The following XKR6 variants were observed in gnomAD, a reference collection of about 807,000 sequenced individuals.
The protein encoded by XKR6 is XK-related protein 6.
Under a neutral mutation model 56.7 loss-of-function variants are expected in XKR6, and 22 were observed. The ratio of observed to expected loss-of-function variants is 0.39; its 90% confidence interval spans 0.28 to 0.55. The LOEUF (loss-of-function observed/expected upper bound fraction) is 0.55, where lower values mean the gene tolerates loss of function less well. Ranked by LOEUF, XKR6 falls within the 20% of genes least tolerant of loss-of-function variation. The pLI, the probability that XKR6 is intolerant of heterozygous loss-of-function variation, is 0.66. For missense variants in XKR6, 852 were observed against 889.0 expected (o/e 0.96, Z 0.53); for synonymous variants, 524 against 387.8 (o/e 1.35, Z -4.13).
chr8:11,002,876 G>A (rs1171451891), intron 1 of XKR6, among the ~76,000 whole-genome samples: 1 of 152,142 alleles, frequency 6.6e-6, no homozygotes, highest in Non-Finnish European at 1.5e-5. Context: ...AAATAATCTG[G>A]GTATGGTTAC....
intron 1 of XKR6, among the ~76,000 whole-genome samples, chr8:10,946,790 G>A (rs1366760594): frequency 2.6e-5 from 4 of 152,124 alleles, no homozygotes. Context: ...CTCAGGAGCT[G>A]GCAACCAGGT....
At chr8:11,050,374 G>A (rs1367551352) in intron 1 of XKR6, among the ~76,000 whole-genome samples, 1 of 122,296 alleles carries the variant, frequency 8.2e-6, no homozygotes, top group Admixed American at 9.7e-5. Context: ...CTCCTCATCA[G>A]TGTAAAATAA....
At chr8:11,049,303 C>T (rs142966201) in intron 1 of XKR6, among the ~76,000 whole-genome samples, 1 of 152,244 alleles carries the variant, frequency 6.6e-6, no homozygotes, top group Non-Finnish European at 1.5e-5. Context: ...TAGCCAAAAC[C>T]TCTATCTGTT....
chr8:11,068,388 G>A (rs1206624218), intron 1 of XKR6, among the ~76,000 whole-genome samples: 1 of 152,178 alleles, frequency 6.6e-6, no homozygotes, highest in African/African-American at 2.4e-5. Flanking sequence ...CTCCATGAAG[G>A]ACTGTCCTGC....
chr8:11,177,476 G>A (rs1802718839), intron 1 of XKR6, among the ~76,000 whole-genome samples: 1 of 152,174 alleles, frequency 6.6e-6, no homozygotes, highest in African/African-American at 2.4e-5. Context: ...CAAAAAGATA[G>A]ATGGAAGTCC....
At chr8:11,178,015 G>C (rs1248611699) in intron 1 of XKR6, among the ~76,000 whole-genome samples, 1 of 152,150 alleles carries the variant, frequency 6.6e-6, no homozygotes, top group Non-Finnish European at 1.5e-5. Flanking sequence ...ATCGCACCTG[G>C]TTTACTAACA....
At chr8:11,162,336 A>G (rs1475670886) in intron 1 of XKR6, among the ~76,000 whole-genome samples, 1 of 152,158 alleles carries the variant, frequency 6.6e-6, no homozygotes, top group African/African-American at 2.4e-5. Context: ...CTGAAGAGCT[A>G]CACTCCAGCC....
At chr8:11,131,849 C>G (rs115643740) in intron 1 of XKR6, among the ~76,000 whole-genome samples, 1 of 152,172 alleles carries the variant, frequency 6.6e-6, no homozygotes. Flanking sequence ...AGCCTCAGAG[C>G]AACAGGCTAT....
intron 1 of XKR6, chr8:11,108,314 T>C (rs561094978): frequency 4.4e-6 from 2 of 456,280 alleles, no homozygotes; most frequent in East Asian, 6.9e-5. Flanking sequence ...ATTTAAGTGT[T>C]ATGAAACAAC....
intron 1 of XKR6, among the ~76,000 whole-genome samples, chr8:10,957,878 T>G (rs772174281): frequency 5.9e-5 from 9 of 151,892 alleles, no homozygotes; most frequent in Non-Finnish European, 1.0e-4. Flanking sequence ...ATATCGAATC[T>G]AAAAATGATC....
At chr8:11,197,113 C>G (rs1451467558) in intron 1 of XKR6, among the ~76,000 whole-genome samples, 1 of 152,130 alleles carries the variant, frequency 6.6e-6, no homozygotes, top group Non-Finnish European at 1.5e-5. Context: ...TGAAGGCAAC[C>G]CTCTACCACA....
At chr8:10,943,428 C>T (rs976730972) in intron 1 of XKR6, among the ~76,000 whole-genome samples, 1 of 152,170 alleles carries the variant, frequency 6.6e-6, no homozygotes, top group African/African-American at 2.4e-5. Context: ...GTTCCCCACA[C>T]CTGCTCCTGC....
rs1195052868 is a variant in XKR6 at position 10,898,511 on chromosome 8, A to G, written c.1367T>C (p.Leu456Ser). Residue 456 changes from leucine (L) to serine (S), a missense_variant, in exon 3 of 3, where the codon TTG becomes TCG. By Grantham distance (145) the Leu-to-Ser change is moderately radical (BLOSUM62 -2). Transcript: ENST00000416569. The surrounding 1 kb of genome is among the most constrained non-coding windows in gnomAD (Gnocchi z 6.6). ...YTIVLTENAA[L>S]TFLWYFYRDP... ...TCTGTAAAAATACCAAAGGAACGTCAAGGCAGCATTCTCGGTCAAGACTAT... is the reference window on the plus strand; with the variant it reads ...TCTGTAAAAATACCAAAGGAACGTCGAGGCAGCATTCTCGGTCAAGACTAT... 1 of 1,614,094 alleles carries G rather than the reference A, an allele frequency of 6.2e-7. No homozygotes were observed. Among genetic ancestry groups the G allele is most frequent in the Non-Finnish European group, 8.5e-7 (1 of 1,180,028 alleles).
chr8:10,904,899 C>G (rs1800142676), intron 2 of XKR6, among the ~76,000 whole-genome samples: 1 of 152,196 alleles, frequency 6.6e-6, no homozygotes, highest in Non-Finnish European at 1.5e-5. Context: ...CTGCCTCACC[C>G]TCTCTCTGAC....
intron 2 of XKR6, among the ~76,000 whole-genome samples, chr8:10,904,531 AG>A (rs1563279563): frequency 3.2e-4 from 49 of 152,300 alleles, no homozygotes; most frequent in Non-Finnish European, 6.0e-4. Flanking sequence ...TGAGAAGCAC[AG>A]TGACAGGGCG....
rs1799892565 is a variant in XKR6 at position 10,896,716 on chromosome 8, T to A, written c.*1236A>T. On this transcript the variant is annotated 3_prime_UTR_variant, in exon 3 of 3. Coordinates refer to ENST00000416569, the MANE Select transcript of XKR6 (RefSeq NM_173683.4). ...GGTCAGTTATTACAATTTTGACTTTTTATATATATGTATATATATATATAT... is the reference window on the plus strand; with the variant it reads ...GGTCAGTTATTACAATTTTGACTTTATATATATATGTATATATATATATAT... The A allele has an allele frequency of 1.3e-5, 2 of 151,644 alleles. No homozygotes were observed. Among genetic ancestry groups the A allele is most frequent in the Admixed American group, 1.3e-4 (2 of 15,156 alleles). The allele number at this position is 151,644 out of a possible 1,614,324, so 9.4% of individuals were successfully genotyped here.
At chr8:10,993,347 G>C (rs776165842) in intron 1 of XKR6, among the ~76,000 whole-genome samples, 1 of 152,236 alleles carries the variant, frequency 6.6e-6, no homozygotes, top group Non-Finnish European at 1.5e-5. Flanking sequence ...GAGGGCAGTG[G>C]CGAGAGGTGA....
intron 1 of XKR6, among the ~76,000 whole-genome samples, chr8:10,951,972 C>G (rs1801738455): frequency 6.6e-6 from 1 of 152,160 alleles, no homozygotes; most frequent in Non-Finnish European, 1.5e-5. Context: ...CCTCCTCTAG[C>G]TGGCTGAGAA....
At chr8:11,191,402 G>A (rs1341472654) in intron 1 of XKR6, among the ~76,000 whole-genome samples, 2 of 152,246 alleles carry the variant, frequency 1.3e-5, no homozygotes, top group East Asian at 1.9e-4. Context: ...ATTGCCAAGG[G>A]AAAAACTACC....
Sources: gnomAD v4.1 joint callset for allele counts (sites outside exome capture counted in the v4.1 genomes callset) on GRCh38, gnomAD v4.1.1 for gene constraint, Gnocchi (gnomAD v3.1) non-coding constraint, MANE v1.5 for transcripts, NCBI Gene and HGNC (gene_info 2026-07-23, HGNC 2026-07-21) for gene names.